VDR: variants seen among roughly 807,000 people sequenced by gnomAD.
VDR encodes vitamin D3 receptor.
In VDR, 19 loss-of-function variants were observed where a neutral mutation model predicts 39.7. The ratio of observed to expected loss-of-function variants is 0.48; its 90% CI spans 0.33 to 0.70. The LOEUF (loss-of-function observed/expected upper bound fraction) is 0.70. Ranked by LOEUF, VDR falls within the 30% of genes least tolerant of loss-of-function variation. The probability of loss-of-function intolerance (pLI) is 0.02; values close to 1 mark genes in which losing one functional copy is unlikely to be tolerated. For synonymous variants in VDR, 242 were observed against 215.8 expected (o/e 1.12, Z -1.07); for missense variants, 442 against 570.5 (o/e 0.77, Z 2.29).
rs1331413810 is a variant in VDR, at chr12:47,882,954, G to T, written c.-83-180C>A. The T allele has an allele frequency of 5.5e-6, 3 of 547,646 alleles. No homozygotes were observed. The East Asian group carries it at 1.0e-4, about 18-fold the overall frequency. 33.9% of individuals were successfully genotyped at this position (547,646 alleles called of 1,614,324 possible). ...TGTCATCGCTGGCAGGGGTGTGGGGGTGGCGGCTGGGCAGCAGCCAGGATG... is the reference window on the plus strand; with the variant it reads ...TGTCATCGCTGGCAGGGGTGTGGGGTTGGCGGCTGGGCAGCAGCCAGGATG... On this transcript the variant is annotated intron_variant, in intron 1 of 9. Transcript: ENST00000549336.
chr12:47,842,955 T>C lies in VDR; in HGVS notation c.*1791A>G, dbSNP rs1945201228. On this transcript the variant is annotated 3_prime_UTR_variant, in exon 10 of 10. Transcript: ENST00000549336. ...ACAAGGGTCTCTCCCTAGACCCTTGTAAAATAACAACAGCAATAATAATTA... is the reference window on the plus strand; with the variant it reads ...ACAAGGGTCTCTCCCTAGACCCTTGCAAAATAACAACAGCAATAATAATTA... The C allele has an allele frequency of 6.6e-6, 1 of 152,070 alleles. No individual in the cohort carries two copies. The highest frequency in any genetic ancestry group is 1.5e-5 in the Non-Finnish European group (1 of 68,008). 9.4% of individuals were successfully genotyped at this position (152,070 alleles called of 1,614,324 possible).
intron 4 of VDR, among the ~76,000 whole-genome samples, chr12:47,860,887 C>T (rs1490055816): frequency 2.0e-5 from 3 of 152,206 alleles, no homozygotes; most frequent in Admixed American, 2.0e-4. Flanking sequence ...ATTCGTAATG[C>T]TGGATGGCAC....
intron 7 of VDR, among the ~76,000 whole-genome samples, 175 bp from the exon 8 acceptor site, chr12:47,846,983 C>T (rs777897543): frequency 2.0e-5 from 3 of 152,110 alleles, no homozygotes; most frequent in Non-Finnish European, 4.4e-5. Context: ...TGAGAGAGAA[C>T]AGTTCAACAC....
chr12:47,857,422 C>A (rs1280856895), intron 5 of VDR, 82 bp downstream of exon 5: 2 of 1,607,610 alleles, frequency 1.2e-6, no homozygotes, highest in African/African-American at 1.3e-5. Context: ...ATGTCCCCTG[C>A]CCTCTGTCCC....
intron 4 of VDR, among the ~76,000 whole-genome samples, chr12:47,859,914 CTTCTTTCTTT>C (rs56713343): frequency 0.014 from 746 of 55,072 alleles, 26 homozygotes; most frequent in East Asian, 0.02. Context: ...TCCTTCCTTC[CTTCTTTCTTT>C]TTCTTTCTTT....
At chr12:47,862,915 G>A (rs563093260) in intron 4 of VDR, among the ~76,000 whole-genome samples, 2 of 152,172 alleles carry the variant, frequency 1.3e-5, no homozygotes, top group South Asian at 2.1e-4. Context: ...CTGGATCCCC[G>A]CTCCACCAGC....
intron 3 of VDR, among the ~76,000 whole-genome samples, chr12:47,878,592 G>A (rs1165326158): frequency 6.6e-6 from 1 of 152,156 alleles, no homozygotes; most frequent in Non-Finnish European, 1.5e-5. Flanking sequence ...CAAGTTCTTG[G>A]GCTTTCCCCA....
chr12:47,845,466 C>T, intron 9 of VDR, among the ~76,000 whole-genome samples: 1 of 152,108 alleles, frequency 6.6e-6, no homozygotes, highest in East Asian at 1.9e-4. Context: ...CAGCTTCCCT[C>T]CTTCTATTCT....
chr12:47,867,705 G>C (rs1483143846), intron 3 of VDR, among the ~76,000 whole-genome samples: 1 of 152,240 alleles, frequency 6.6e-6, no homozygotes, highest in African/African-American at 2.4e-5. Context: ...TGCTGAGTGT[G>C]AAGATGCCCA....
intron 3 of VDR, among the ~76,000 whole-genome samples, chr12:47,878,237 C>G (rs1190358228): frequency 6.6e-6 from 1 of 152,172 alleles, no homozygotes; most frequent in Non-Finnish European, 1.5e-5. Flanking sequence ...CAATACATGC[C>G]AAATGCTAAT....
chr12:47,852,584 T>G (rs551011433), intron 7 of VDR, among the ~76,000 whole-genome samples: 1 of 152,074 alleles, frequency 6.6e-6, no homozygotes. Flanking sequence ...GCAGTAGGAG[T>G]GTCTCAGCAC....
At chr12:47,898,929 A>T (rs1194018134) in intron 1 of VDR, 1 of 152,804 alleles carries the variant, frequency 6.5e-6, no homozygotes, top group African/African-American at 2.4e-5. Flanking sequence ...AAATGGGGAG[A>T]GGCAGAGGGG....
chr12:47,872,096 G>A (rs1422907205), intron 3 of VDR, among the ~76,000 whole-genome samples: 1 of 152,162 alleles, frequency 6.6e-6, no homozygotes, highest in African/African-American at 2.4e-5. Context: ...ATATTATGAC[G>A]TTACATTTAA....
In VDR at chr12:47,878,962, G is replaced by A; in HGVS notation, c.146+6C>T. On this transcript the variant is annotated splice_donor_region_variant and intron_variant, in intron 3 of 9. Coordinates refer to ENST00000549336, the MANE Select transcript of VDR (RefSeq NM_000376.3). ...CCACTGGGGAGAGCCTGGGAGGAGG[G>A]CTCACCTGAAGAAGCCTTTGCAGCC... The A allele has an allele frequency of 6.2e-7, 1 of 1,614,156 alleles. No homozygotes were observed. Among genetic ancestry groups the A allele is most frequent in the Non-Finnish European group, 8.5e-7 (1 of 1,180,018 alleles).
intron 1 of VDR, among the ~76,000 whole-genome samples, chr12:47,889,809 GAAAACA>G (rs553293100): frequency 3.9e-5 from 6 of 152,060 alleles, no homozygotes; most frequent in Admixed American, 6.6e-5. Context: ...GATTTTCTCT[GAAAACA>G]AAAACAAAAA....
intron 4 of VDR, among the ~76,000 whole-genome samples, chr12:47,863,406 T>C (rs1460356708): frequency 6.6e-6 from 1 of 152,204 alleles, no homozygotes; most frequent in Non-Finnish European, 1.5e-5. Context: ...GGCAGTGCCT[T>C]ACGAACCACT....
chr12:47,890,147 C>A (rs1946340664), intron 1 of VDR, among the ~76,000 whole-genome samples: 1 of 151,830 alleles, frequency 6.6e-6, no homozygotes, highest in Non-Finnish European at 1.5e-5. Context: ...AGAGGCATTT[C>A]ACTGCCACGA....
chr12:47,853,711 C>T (rs1254809988), intron 7 of VDR, among the ~76,000 whole-genome samples: 3 of 152,010 alleles, frequency 2.0e-5, no homozygotes, highest in African/African-American at 4.8e-5. Flanking sequence ...GTTGAGATCG[C>T]GTCATTGTAC....
At chr12:47,847,090 G>A (rs976525897) in intron 7 of VDR, among the ~76,000 whole-genome samples, 5 of 152,124 alleles carry the variant, frequency 3.3e-5, no homozygotes, top group East Asian at 1.9e-4. Flanking sequence ...CACAGGAAAC[G>A]GAGCCCAGGG....
Sources: gnomAD v4.1 joint callset for allele counts (sites outside exome capture counted in the v4.1 genomes callset) on GRCh38, gnomAD v4.1.1 for gene constraint, MANE v1.5 for transcripts, NCBI Gene and HGNC (gene_info 2026-07-23, HGNC 2026-07-21) for gene names.